Variants in MLIP observed in about 807,000 individuals in gnomAD.
MLIP encodes the protein muscular LMNA-interacting protein.
MLIP carries 79 observed loss-of-function variants against 84.8 expected under a neutral mutation model. The ratio of observed to expected loss-of-function variants is 0.93; its 90% confidence interval spans 0.78 to 1.12. The LOEUF (loss-of-function observed/expected upper bound fraction) is 1.12, where lower values mean the gene tolerates loss of function less well. Ranked by LOEUF, MLIP falls within the 50% of genes most tolerant of loss-of-function variation. MLIP has a pLI of 0.00. For missense variants in MLIP, 1,257 were observed against 1,160.6 expected (o/e 1.08, Z -1.21); for synonymous variants, 504 against 463.0 (o/e 1.09, Z -1.14).
At chr6:54,251,865 ATAT>A (rs1250023527) in intron 12 of MLIP, among the ~76,000 whole-genome samples, 1 of 84,560 alleles carries the variant, frequency 1.2e-5, no homozygotes, top group Non-Finnish European at 1.9e-5. Context: ...ATATAAATAT[ATAT>A]TATAACATAT....
intron 11 of MLIP, among the ~76,000 whole-genome samples, chr6:54,207,951 C>T (rs1253155931): frequency 2.0e-5 from 3 of 151,960 alleles, no homozygotes; most frequent in African/African-American, 7.3e-5. Flanking sequence ...CGGTGAAACC[C>T]CGTCTCTACT....
rs191167079 is a variant in MLIP, at chr6:54,233,246, G to T, written c.2922+2329G>T. On this transcript the variant is annotated intron_variant, in intron 12 of 13. Coordinates refer to ENST00000502396, the MANE Select transcript of MLIP (RefSeq NM_001281747.2). ...CAGAACATGCCGGTTTGTTACATAG[G>T]TGTACATGTGCCACGGTTGTTTGCT... Among the ~76,000 whole-genome samples the T allele has an allele frequency of 8.9e-4, 135 of 152,142 alleles. No individual in the cohort carries two copies. The Middle Eastern group carries it at 0.02, about 23-fold the overall frequency.
intron 8 of MLIP, among the ~76,000 whole-genome samples, chr6:54,161,661 AACTAC>A (rs1327799061): frequency 6.6e-6 from 1 of 151,878 alleles, no homozygotes; most frequent in Non-Finnish European, 1.5e-5. Context: ...AAATGTACAG[AACTAC>A]ACATAACTAG....
chr6:54,174,142 A>C (rs755480063), intron 9 of MLIP, among the ~76,000 whole-genome samples: 3 of 151,956 alleles, frequency 2.0e-5, no homozygotes, highest in Admixed American at 6.6e-5. Flanking sequence ...CATCTATTGA[A>C]GGACACTTAG....
chr6:54,058,240 T>C (rs1765773059), intron 1 of MLIP, among the ~76,000 whole-genome samples: 1 of 152,204 alleles, frequency 6.6e-6, no homozygotes, highest in Admixed American at 6.5e-5. Flanking sequence ...GTATCAAAAT[T>C]CAGTTTGATA....
chr6:54,209,572 T>C lies in MLIP; in HGVS notation c.2718+7339T>C, dbSNP rs1200131523. ...ACTAAGTTTGTAAGTTCAAAGTTGG[T>C]GTTTCTTTAGGGATGGGATTACCGG... On this transcript the variant is annotated intron_variant, in intron 11 of 13. Transcript: ENST00000502396. Among the ~76,000 whole-genome samples the C allele has an allele frequency of 3.3e-5, 5 of 152,174 alleles. No individual in the cohort carries two copies. The East Asian group carries it at 5.8e-4, about 18-fold the overall frequency.
At chr6:54,182,127 C>T (rs911737997) in intron 9 of MLIP, among the ~76,000 whole-genome samples, 3 of 152,142 alleles carry the variant, frequency 2.0e-5, no homozygotes, top group African/African-American at 7.2e-5. Context: ...CCTCCGTTTG[C>T]CTAGAATCCC....
At chr6:54,180,879 C>T (rs1776786169) in intron 9 of MLIP, among the ~76,000 whole-genome samples, 1 of 152,082 alleles carries the variant, frequency 6.6e-6, no homozygotes, top group Admixed American at 6.6e-5. Flanking sequence ...TTATGTTTTT[C>T]TGGATGATCT....
At chr6:54,247,513 C>T (rs1435146922) in intron 12 of MLIP, among the ~76,000 whole-genome samples, 3 of 151,906 alleles carry the variant, frequency 2.0e-5, no homozygotes, top group South Asian at 2.1e-4. Flanking sequence ...GGGCAAGAAG[C>T]GGAGGTGGAA....
At chr6:54,132,078 GT>G (rs1771428729) in intron 3 of MLIP, among the ~76,000 whole-genome samples, 1 of 152,124 alleles carries the variant, frequency 6.6e-6, no homozygotes. Context: ...ATGCACAAAT[GT>G]TTTTCAAGAT....
At chr6:54,144,340 C>G (rs1330716540) in intron 4 of MLIP, among the ~76,000 whole-genome samples, 1 of 152,150 alleles carries the variant, frequency 6.6e-6, no homozygotes, top group East Asian at 1.9e-4. Context: ...GGTAGTGAGG[C>G]CCTTCACCAT....
At chr6:54,046,953 T>A (rs1316364513) in intron 1 of MLIP, 1 of 152,210 alleles carries the variant, frequency 6.6e-6, no homozygotes, top group African/African-American at 2.4e-5. Flanking sequence ...TTATCTGACC[T>A]ATATACAACC....
intron 1 of MLIP, among the ~76,000 whole-genome samples, chr6:54,048,965 G>A (rs958762854): frequency 6.6e-6 from 1 of 152,138 alleles, no homozygotes; most frequent in African/African-American, 2.4e-5. Flanking sequence ...AGAGTTGGTG[G>A]CACACTTGAG....
chr6:54,194,367 A>T (rs551201542), intron 10 of MLIP, among the ~76,000 whole-genome samples: 2 of 152,290 alleles, frequency 1.3e-5, no homozygotes, highest in South Asian at 4.2e-4. Flanking sequence ...CACAGCATTT[A>T]TCAGGTACGC....
chr6:54,026,325 T>G (rs1428572069), intron 1 of MLIP, among the ~76,000 whole-genome samples: 2 of 152,118 alleles, frequency 1.3e-5, no homozygotes, highest in Admixed American at 1.3e-4. Flanking sequence ...TTACCCCAGG[T>G]GAAGTATAGT....
chr6:54,160,673 A>T, intron 7 of MLIP, 67 bp from the exon 8 acceptor site: 12 of 1,493,682 alleles, frequency 8.0e-6, no homozygotes, highest in Non-Finnish European at 1.1e-5. Context: ...CTTTAGTATG[A>T]TGCCTCACAG....
intron 3 of MLIP, among the ~76,000 whole-genome samples, chr6:54,129,680 T>C (rs1193198224): frequency 6.6e-6 from 1 of 152,166 alleles, no homozygotes; most frequent in Admixed American, 6.5e-5. Flanking sequence ...TTCAGCTAAC[T>C]GCTGGAGGAC....
In MLIP at chr6:54,036,955, AC is replaced by A. The variant is rs140532850; in HGVS notation, c.63+17866del. 7.7e-3 allele frequency among the ~76,000 whole-genome samples: 1,178 copies of A among 152,116 alleles called. 13 individuals are homozygous for A. Among genetic ancestry groups the A allele is most frequent in the Middle Eastern group, 0.027 (8 of 294 alleles). On this transcript the variant is annotated intron_variant, in intron 1 of 12. Coordinates refer to the MLIP transcript ENST00000274897. ...TTGGGATTAGGGGAGAAACACATAT[AC>A]CTTCTTGGGAACTTGTGGACAATGG...
At chr6:54,109,928 C>CTTT (rs1561937986), upstream of MLIP, among the ~76,000 whole-genome samples, 270 of 72,426 alleles carry the variant, frequency 3.7e-3, no homozygotes, top group African/African-American at 0.014. Context: ...TTTCTTTCTT[C>CTTT]CTTCCTTCCT....
Sources: gnomAD v4.1 joint callset for allele counts (sites outside exome capture counted in the v4.1 genomes callset) on GRCh38, gnomAD v4.1.1 for gene constraint, MANE v1.5 for transcripts, NCBI Gene and HGNC (gene_info 2026-07-23, HGNC 2026-07-21) for gene names.